GRID1: variants seen among roughly 807,000 people sequenced by gnomAD.
The protein encoded by GRID1 is glutamate receptor ionotropic, delta-1.
A neutral mutation model predicts 98.0 loss-of-function variants in GRID1; 28 were observed. The ratio of observed to expected loss-of-function variants is 0.29; its 90% CI spans 0.21 to 0.39. GRID1 has a LOEUF of 0.39. Among genes scored for constraint, GRID1 ranks in the 10% least tolerant of loss-of-function variants. The pLI is 1.00. For synonymous variants in GRID1, 553 were observed against 538.5 expected (o/e 1.03, Z -0.37); for missense variants, 1,111 against 1,340.5 (o/e 0.83, Z 2.67).
intron 13 of GRID1, among the ~76,000 whole-genome samples, chr10:85,632,898 C>G (rs1350042339): frequency 6.6e-6 from 1 of 152,094 alleles, no homozygotes; most frequent in African/African-American, 2.4e-5. Flanking sequence ...CCAATAGGCC[C>G]CAGTGTGTGT....
At chr10:86,055,104 A>C (rs753394428) in intron 4 of GRID1, among the ~76,000 whole-genome samples, 1 of 152,222 alleles carries the variant, frequency 6.6e-6, no homozygotes, top group African/African-American at 2.4e-5. Flanking sequence ...GACCACAGAC[A>C]TCAGTGACCT....
At chr10:85,602,852 A>G in intron 15 of GRID1, 151 bp from the exon 16 acceptor site, 1 of 612,280 alleles carries the variant, frequency 1.6e-6, no homozygotes, top group East Asian at 2.7e-5. Flanking sequence ...CCTCCCCTCA[A>G]TTATATGGCC....
Position 85,727,845 on chromosome 10 carries a change from G to T in GRID1, c.1533+10C>A. ...GTGCCCCTCCCCCTGGATCTGCTAT[G>T]GGGACCTACCTTGCTGATGAGCTCC... On this transcript the variant is annotated intron_variant, in intron 10 of 15. Coordinates refer to ENST00000327946, the MANE Select transcript of GRID1 (RefSeq NM_017551.3). 1.2e-6 allele frequency: 2 copies of T among 1,608,454 alleles called. No individual in the cohort carries two copies. Among genetic ancestry groups the T allele is most frequent in the South Asian group, 2.2e-5 (2 of 90,940 alleles).
intron 3 of GRID1, among the ~76,000 whole-genome samples, chr10:86,175,377 T>G (rs879549702): frequency 6.7e-6 from 1 of 149,786 alleles, no homozygotes; most frequent in Non-Finnish European, 1.5e-5. Flanking sequence ...AGTGGTGGCC[T>G]AAGTTACCCT....
rs377030205 is a variant in GRID1, at chr10:86,351,242, C to T, written c.235+12699G>A. Among the ~76,000 whole-genome samples the T allele has an allele frequency of 3.6e-3, 552 of 152,350 alleles. 30 individuals carry two copies. In the South Asian group the frequency reaches 0.11, roughly 30 times the overall value. On this transcript the variant is annotated intron_variant, in intron 2 of 15. Coordinates refer to ENST00000327946, the MANE Select transcript of GRID1 (RefSeq NM_017551.3). ...AGCCGACTCCGGCATCCTGTGGCTC[C>T]GTGAAACATGCACAAGACGGTGTAT...
At chr10:86,065,190 T>C (rs9421509) in intron 4 of GRID1, among the ~76,000 whole-genome samples, 11,248 of 152,302 alleles carry the variant, frequency 0.074, 528 homozygotes, top group Non-Finnish European at 0.11. Flanking sequence ...TCTCCAAGTG[T>C]GCTCCTGGAC....
intron 2 of GRID1, among the ~76,000 whole-genome samples, chr10:86,241,038 T>A (rs1001008408): frequency 6.6e-6 from 1 of 152,242 alleles, no homozygotes; most frequent in African/African-American, 2.4e-5. Context: ...CACAGCCTGA[T>A]GCTAAAGTCT....
rs1589449102 is a variant in GRID1 at position 86,322,805 on chromosome 10, G to T, written c.235+41136C>A. On this transcript the variant is annotated intron_variant, in intron 2 of 15. Coordinates refer to ENST00000327946, the MANE Select transcript of GRID1 (RefSeq NM_017551.3). ...AGAGTGGTGAAATTTCAAAATCCAA[G>T]GGACAGCCAGGCACGGTGGCTCATG... 2.6e-5 allele frequency among the ~76,000 whole-genome samples: 4 copies of T among 151,196 alleles called. No individual in the cohort carries two copies. The South Asian group carries it at 8.4e-4, about 32-fold the overall frequency.
intron 8 of GRID1, among the ~76,000 whole-genome samples, chr10:85,820,602 A>T (rs1197833898): frequency 6.6e-6 from 1 of 152,166 alleles, no homozygotes; most frequent in African/African-American, 2.4e-5. Context: ...ATTGTGTGAG[A>T]TGTTAAAAAT....
chr10:86,127,569 G>C (rs10887557), intron 4 of GRID1, among the ~76,000 whole-genome samples: 65,894 of 152,014 alleles, frequency 0.43, 17,758 homozygotes, highest in African/African-American at 0.76. Context: ...CTCTTCTCCC[G>C]CTCTCTCTTG....
intron 8 of GRID1, among the ~76,000 whole-genome samples, chr10:85,810,020 G>T (rs1842656532): frequency 6.6e-6 from 1 of 152,182 alleles, no homozygotes. Flanking sequence ...TACCCAAGCT[G>T]CTGGGGTGTG....
In GRID1 at chr10:86,365,203, C is replaced by A. The variant is rs975424536; in HGVS notation, c.80-1107G>T. On this transcript the variant is annotated intron_variant, in intron 1 of 15. Coordinates refer to ENST00000327946, the MANE Select transcript of GRID1 (RefSeq NM_017551.3). This position sits in a 1 kb window ranked among gnomAD's most constrained non-coding sequence, Gnocchi z 4.8. ...ACGGGCCCCTGAGGAGGAATCGTAG[C>A]TCTCCGAGCCCAGGCCTAGTCCTCA... 1.3e-5 allele frequency among the ~76,000 whole-genome samples: 2 copies of A among 152,144 alleles called. No individual in the cohort carries two copies. The highest frequency in any genetic ancestry group is 4.8e-5 in the African/African-American group (2 of 41,434).
intron 8 of GRID1, among the ~76,000 whole-genome samples, chr10:85,748,945 A>G (rs1842022304): frequency 6.6e-6 from 1 of 152,154 alleles, no homozygotes; most frequent in Non-Finnish European, 1.5e-5. Flanking sequence ...TTTCAGAGTC[A>G]TCCTTGATTT....
intron 8 of GRID1, among the ~76,000 whole-genome samples, chr10:85,769,748 G>T (rs2132708931): frequency 6.6e-6 from 1 of 152,332 alleles, no homozygotes; most frequent in Non-Finnish European, 1.5e-5. Flanking sequence ...AGATCAAACT[G>T]CAAGGCGGCA....
chr10:86,000,035 G>T (rs1272345756), intron 4 of GRID1, among the ~76,000 whole-genome samples: 2 of 152,188 alleles, frequency 1.3e-5, no homozygotes, highest in Non-Finnish European at 2.9e-5. Flanking sequence ...AAGTAAAACT[G>T]TCCCTATTCA....
At chr10:86,183,538 T>C (rs1201754643) in intron 3 of GRID1, among the ~76,000 whole-genome samples, 1 of 152,200 alleles carries the variant, frequency 6.6e-6, no homozygotes, top group Non-Finnish European at 1.5e-5. Context: ...TTTGTCTTTT[T>C]AGTAGAGACA....
At chr10:86,274,228 T>C (rs1210500430) in intron 2 of GRID1, among the ~76,000 whole-genome samples, 1 of 152,236 alleles carries the variant, frequency 6.6e-6, no homozygotes, top group Non-Finnish European at 1.5e-5. Flanking sequence ...GTTGTAGATA[T>C]GCGGCATTAT....
At chr10:86,191,794 CCA>C (rs1214205636) in intron 3 of GRID1, among the ~76,000 whole-genome samples, 3 of 152,172 alleles carry the variant, frequency 2.0e-5, no homozygotes, top group Non-Finnish European at 4.4e-5. Context: ...TGGGCTGCTT[CCA>C]CTCCACCTGT....
chr10:86,307,137 C>A (rs1043158856), intron 2 of GRID1, among the ~76,000 whole-genome samples: 3 of 152,172 alleles, frequency 2.0e-5, no homozygotes, highest in African/African-American at 7.2e-5. Context: ...TGGGTATTGG[C>A]AGTTCTATAA....
Sources: gnomAD v4.1 joint callset for allele counts (sites outside exome capture counted in the v4.1 genomes callset) on GRCh38, gnomAD v4.1.1 for gene constraint, Gnocchi (gnomAD v3.1) non-coding constraint, MANE v1.5 for transcripts, NCBI Gene and HGNC (gene_info 2026-07-23, HGNC 2026-07-21) for gene names.